The following MAML2 variants were observed in gnomAD, a reference collection of about 807,000 sequenced individuals.
The protein encoded by MAML2 is mastermind like transcriptional coactivator 2, also known as mastermind-like protein 2.
MAML2 carries 22 observed loss-of-function variants against 96.1 expected under a neutral mutation model. The observed-to-expected ratio is 0.23, with a 90% CI of 0.16 to 0.33. The LOEUF is 0.33. MAML2 is among the 10% of genes least tolerant of loss of function. The probability of loss-of-function intolerance (pLI) is 1.00; values close to 1 mark genes in which losing one functional copy is unlikely to be tolerated. For synonymous variants in MAML2, 561 were observed against 521.3 expected, an observed-to-expected ratio of 1.08 and a Z score of -1.04; for missense variants, 1,367 against 1,392.4, an observed-to-expected ratio of 0.98 and a Z score of 0.29.
Position 96,042,237 on chromosome 11 carries a change from G to A in MAML2, c.2139+49655C>T, listed in dbSNP as rs571036127. On this transcript the variant is annotated intron_variant, in intron 2 of 4. Coordinates refer to ENST00000524717, the MANE Select transcript of MAML2 (RefSeq NM_032427.4). ...GTGATCCACCTGCCTTGGCCTCTCC[G>A]AAAGTGCTGGGATTACAGGCGTGAG... is the stretch of plus-strand genomic sequence containing the variant. 8.6e-5 allele frequency among the ~76,000 whole-genome samples: 13 copies of A among 151,966 alleles called. No individual in the cohort carries two copies. The South Asian group carries it at 1.0e-3, about 12-fold the overall frequency.
At chr11:96,217,736 G>A (rs962726380) in intron 1 of MAML2, among the ~76,000 whole-genome samples, 8 of 152,160 alleles carry the variant, frequency 5.3e-5, no homozygotes, top group South Asian at 4.1e-4. Context: ...CCACAGCTTC[G>A]TTCAGATATG....
intron 1 of MAML2, among the ~76,000 whole-genome samples, chr11:96,253,665 G>C (rs1239956742): frequency 6.6e-6 from 1 of 152,146 alleles, no homozygotes. Flanking sequence ...TTTTCCTCAA[G>C]AAAAGGCAAA....
chr11:96,187,343 T>A (rs61901891), intron 1 of MAML2, among the ~76,000 whole-genome samples: 1,919 of 152,368 alleles, frequency 0.013, 23 homozygotes, highest in Middle Eastern at 0.058. Flanking sequence ...TGGTATTTTC[T>A]TGACACTTAG....
chr11:96,212,756 A>C (rs1304969655), intron 1 of MAML2, among the ~76,000 whole-genome samples: 1 of 152,228 alleles, frequency 6.6e-6, no homozygotes, highest in Non-Finnish European at 1.5e-5. Flanking sequence ...GTCCATAAAC[A>C]AGAAAAAGTC....
In MAML2 at chr11:96,250,512, G is replaced by T. The variant is rs190393321; in HGVS notation, c.513+90871C>A. 1.2e-3 allele frequency among the ~76,000 whole-genome samples: 184 copies of T among 152,282 alleles called. 6 individuals carry two copies. Among genetic ancestry groups the T allele is most frequent in the Admixed American group, 0.011 (163 of 15,302 alleles). On this transcript the variant is annotated intron_variant, in intron 1 of 4. Coordinates refer to ENST00000524717, the MANE Select transcript of MAML2 (RefSeq NM_032427.4). ...TAGAATTTATTCCTCCTATCTAGCT[G>T]TAATTTTGTATCATTTAATAAATAT...
chr11:96,112,189 C>T (rs1300076073), intron 1 of MAML2, among the ~76,000 whole-genome samples: 1 of 152,242 alleles, frequency 6.6e-6, no homozygotes, highest in Non-Finnish European at 1.5e-5. Context: ...CATAACACAG[C>T]TATTTCTCTA....
In MAML2 at chr11:96,253,633, T is replaced by C. The variant is rs189254141; in HGVS notation, c.513+87750A>G. On this transcript the variant is annotated intron_variant, in intron 1 of 4. Coordinates refer to ENST00000524717, the MANE Select transcript of MAML2 (RefSeq NM_032427.4). ...AAATCTTCTGAGGCGCATTTATCTT[T>C]CTCTTTGAGAGAGAAACCCCATTTT... Among the ~76,000 whole-genome samples the C allele has an allele frequency of 1.8e-3, 272 of 152,348 alleles. 1 individual carries two copies. Among genetic ancestry groups the C allele is most frequent in the African/African-American group, 6.4e-3 (267 of 41,584 alleles).
At chr11:96,276,816 CAAAAAA>C (rs67291067) in intron 1 of MAML2, among the ~76,000 whole-genome samples, 2 of 78,662 alleles carry the variant, frequency 2.5e-5, no homozygotes, top group Non-Finnish European at 2.5e-5. Flanking sequence ...TTCTCAGACC[CAAAAAA>C]AAAAAAAAAA....
chr11:96,165,432 TA>T (rs1412341168), intron 1 of MAML2, among the ~76,000 whole-genome samples: 1 of 152,198 alleles, frequency 6.6e-6, no homozygotes, highest in Non-Finnish European at 1.5e-5. Context: ...GTAATTTTTT[TA>T]ATGGCTATAT....
intron 2 of MAML2, among the ~76,000 whole-genome samples, chr11:96,027,307 G>C (rs180912474): frequency 6.6e-5 from 10 of 152,322 alleles, no homozygotes; most frequent in African/African-American, 2.4e-4. Flanking sequence ...ATACAATGCT[G>C]AGAAGTATAT....
chr11:96,053,548 A>G (rs1859018858), intron 2 of MAML2, among the ~76,000 whole-genome samples: 1 of 152,062 alleles, frequency 6.6e-6, no homozygotes, highest in Admixed American at 6.5e-5. Flanking sequence ...ATAGCCAACA[A>G]TATGTCCTTT....
chr11:96,324,881 T>C (rs1863753737), intron 1 of MAML2, among the ~76,000 whole-genome samples: 1 of 152,204 alleles, frequency 6.6e-6, no homozygotes, highest in African/African-American at 2.4e-5. Context: ...ATAATGACCT[T>C]GTAGCCCTCG....
intron 1 of MAML2, among the ~76,000 whole-genome samples, chr11:96,114,124 G>T (rs1860184108): frequency 1.3e-5 from 2 of 151,742 alleles, no homozygotes; most frequent in African/African-American, 4.8e-5. Flanking sequence ...TTGCTACATT[G>T]CCTAGGCTGG....
intron 1 of MAML2, among the ~76,000 whole-genome samples, chr11:96,261,697 C>A (rs1001619377): frequency 6.6e-6 from 1 of 152,170 alleles, no homozygotes; most frequent in Admixed American, 6.5e-5. Context: ...TAGCTAGTGA[C>A]ATGATATTGT....
intron 4 of MAML2, among the ~76,000 whole-genome samples, chr11:95,983,256 C>A (rs1451422977): frequency 6.6e-6 from 1 of 151,908 alleles, no homozygotes; most frequent in Non-Finnish European, 1.5e-5. Flanking sequence ...GTGTTTGTGT[C>A]TTAGTTTAAA....
chr11:96,149,471 C>A lies in MAML2; in HGVS notation c.514-55954G>T, dbSNP rs1025964581. On this transcript the variant is annotated intron_variant, in intron 1 of 4. Coordinates refer to ENST00000524717, the MANE Select transcript of MAML2 (RefSeq NM_032427.4). ...TTTCAGCCAGGCGCAGTGGCTCATG[C>A]CTGTAATCCCAGCACTTTGGGAGGC... Among the ~76,000 whole-genome samples, 5 of 148,532 alleles carry A rather than the reference C, an allele frequency of 3.4e-5. No homozygotes were observed. The Admixed American group carries it at 3.4e-4, about 10-fold the overall frequency.
chr11:96,233,317 T>G (rs1163933673), intron 1 of MAML2, among the ~76,000 whole-genome samples: 1 of 151,816 alleles, frequency 6.6e-6, no homozygotes, highest in African/African-American at 2.4e-5. Flanking sequence ...TCTTCACAGA[T>G]AGATAAAAGT....
At chr11:96,189,983 A>T (rs1861629927) in intron 1 of MAML2, among the ~76,000 whole-genome samples, 1 of 152,148 alleles carries the variant, frequency 6.6e-6, no homozygotes, top group Non-Finnish European at 1.5e-5. Flanking sequence ...ACACAAAGAT[A>T]AAAAAAATCT....
At chr11:96,314,361 A>C (rs1403508347) in intron 1 of MAML2, among the ~76,000 whole-genome samples, 5 of 152,196 alleles carry the variant, frequency 3.3e-5, no homozygotes, top group African/African-American at 1.2e-4. Flanking sequence ...AACACCTTTA[A>C]CTCTGAGTGG....
Sources: gnomAD v4.1 joint callset for allele counts (sites outside exome capture counted in the v4.1 genomes callset) on GRCh38, gnomAD v4.1.1 for gene constraint, MANE v1.5 for transcripts, NCBI Gene and HGNC (gene_info 2026-07-23, HGNC 2026-07-21) for gene names.